Variants in CSMD1 observed in about 807,000 individuals in gnomAD.
CSMD1 encodes CUB and sushi domain-containing protein 1.
Under a neutral mutation model 417.5 loss-of-function variants are expected in CSMD1, and 213 were observed. That is an observed-to-expected ratio of 0.51 (90% confidence interval 0.46 to 0.57). The LOEUF (loss-of-function observed/expected upper bound fraction) is 0.57. CSMD1 is among the 20% of genes least tolerant of loss of function. The pLI, the probability that CSMD1 is intolerant of heterozygous loss-of-function variation, is 0.00. For missense variants in CSMD1, 6,923 were observed against 4,529.7 expected (o/e 1.53, Z -15.17); for synonymous variants, 2,862 against 1,736.8 (o/e 1.65, Z -16.11).
chr8:3,507,900 G>C (rs1303771216), intron 10 of CSMD1, among the ~76,000 whole-genome samples: 1 of 152,032 alleles, frequency 6.6e-6, no homozygotes, highest in African/African-American at 2.4e-5. Flanking sequence ...GTAGATTCTG[G>C]ATATTAGCCC....
chr8:3,187,865 T>C lies in CSMD1; in HGVS notation c.5620+4A>G. 1 of 1,611,326 alleles carries C rather than the reference T, an allele frequency of 6.2e-7. No individual in the cohort carries two copies. The highest frequency in any genetic ancestry group is 8.5e-7 in the Non-Finnish European group (1 of 1,178,194). ...CACAGGTGAGGAAATTGACTCCATC[T>C]TACCTGAGAAGCTTCCCAGTCTGGG... On this transcript the variant is annotated splice_donor_region_variant and intron_variant, in intron 36 of 69. Coordinates refer to ENST00000635120, the MANE Select transcript of CSMD1 (RefSeq NM_033225.6).
chr8:4,604,458 A>G (rs1369582561), intron 2 of CSMD1, among the ~76,000 whole-genome samples: 2 of 151,240 alleles, frequency 1.3e-5, no homozygotes, highest in African/African-American at 4.9e-5. Context: ...ATCATCAACA[A>G]GTTCATGAAT....
At chr8:3,564,299 C>T (rs1157971863) in intron 10 of CSMD1, among the ~76,000 whole-genome samples, 1 of 150,940 alleles carries the variant, frequency 6.6e-6, no homozygotes, top group East Asian at 1.9e-4. Context: ...GGAGTAAATC[C>T]TGTAAACTTT....
intron 3 of CSMD1, among the ~76,000 whole-genome samples, chr8:4,408,815 A>G (rs1187096933): frequency 6.6e-6 from 1 of 152,202 alleles, no homozygotes; most frequent in African/African-American, 2.4e-5. Context: ...ATAGCACAAT[A>G]AAGGGGGAAA....
At chr8:4,803,417 G>A (rs993638904) in intron 1 of CSMD1, among the ~76,000 whole-genome samples, 3 of 152,162 alleles carry the variant, frequency 2.0e-5, no homozygotes, top group African/African-American at 4.8e-5. Flanking sequence ...GTCTAGATTT[G>A]TCTCTTGTCT....
At chr8:4,536,853 A>C (rs1797127607) in intron 2 of CSMD1, among the ~76,000 whole-genome samples, 1 of 152,166 alleles carries the variant, frequency 6.6e-6, no homozygotes. Context: ...CACCTTTTGC[A>C]TTTTGCACAA....
At chr8:3,487,347 G>A (rs924626227) in intron 11 of CSMD1, among the ~76,000 whole-genome samples, 67 of 152,044 alleles carry the variant, frequency 4.4e-4, no homozygotes, top group African/African-American at 1.4e-3. Flanking sequence ...GACTACAGGC[G>A]CCCGCCACCA....
intron 23 of CSMD1, among the ~76,000 whole-genome samples, chr8:3,324,132 T>C (rs76050567): frequency 0.13 from 15,618 of 123,842 alleles, 1,595 homozygotes; most frequent in African/African-American, 0.24. Flanking sequence ...ATGGTTAAAA[T>C]AGACACACAT....
chr8:4,019,124 C>T (rs915733445), intron 4 of CSMD1, among the ~76,000 whole-genome samples: 2 of 152,066 alleles, frequency 1.3e-5, no homozygotes, highest in Non-Finnish European at 2.9e-5. Flanking sequence ...TGTACTAGGC[C>T]ATGGTATCGT....
At chr8:3,281,423 G>A (rs1251700975) in intron 26 of CSMD1, among the ~76,000 whole-genome samples, 4 of 152,090 alleles carry the variant, frequency 2.6e-5, no homozygotes, top group African/African-American at 7.2e-5. Context: ...CAGCCTGGGC[G>A]ACAAAGCAAG....
At chr8:3,967,674 C>A (rs945708962) in intron 5 of CSMD1, among the ~76,000 whole-genome samples, 6 of 152,010 alleles carry the variant, frequency 3.9e-5, no homozygotes, top group African/African-American at 1.2e-4. Flanking sequence ...CTTGTCAATA[C>A]GTGCTGGGGT....
chr8:4,419,764 G>C (rs1211314816), intron 3 of CSMD1, among the ~76,000 whole-genome samples, 189 bp downstream of exon 3: 2 of 152,136 alleles, frequency 1.3e-5, no homozygotes, highest in African/African-American at 2.4e-5. Context: ...TTGTGAACAC[G>C]TTTTGGGCTG....
intron 12 of CSMD1, among the ~76,000 whole-genome samples, chr8:3,468,029 G>A (rs987044621): frequency 9.2e-5 from 14 of 152,144 alleles, no homozygotes; most frequent in African/African-American, 2.7e-4. Flanking sequence ...AGTTACCAAT[G>A]AAGGAACCAA....
chr8:3,661,670 T>G (rs1342804357), intron 7 of CSMD1, among the ~76,000 whole-genome samples: 1 of 152,092 alleles, frequency 6.6e-6, no homozygotes, highest in South Asian at 2.1e-4. Flanking sequence ...CTAATTTTTG[T>G]ATTTTTAGTA....
At chr8:2,987,264 C>A (rs1273468341) in intron 54 of CSMD1, among the ~76,000 whole-genome samples, 2 of 151,506 alleles carry the variant, frequency 1.3e-5, no homozygotes, top group African/African-American at 4.8e-5. Flanking sequence ...TAATTCTTGA[C>A]ATGAAAAATT....
intron 3 of CSMD1, among the ~76,000 whole-genome samples, chr8:4,331,064 TTTTG>T (rs985045997): frequency 3.0e-4 from 46 of 152,276 alleles, no homozygotes; most frequent in African/African-American, 7.7e-4. Flanking sequence ...TCTTCATAAT[TTTTG>T]TTTCTTATTC....
intron 1 of CSMD1, among the ~76,000 whole-genome samples, chr8:4,853,656 C>A (rs945470717): frequency 6.6e-6 from 1 of 152,198 alleles, no homozygotes; most frequent in Non-Finnish European, 1.5e-5. Flanking sequence ...CACTGGAACA[C>A]TACCCAGTGG....
chr8:3,366,370 T>C (rs1809567196), intron 20 of CSMD1, among the ~76,000 whole-genome samples: 2 of 144,848 alleles, frequency 1.4e-5, no homozygotes. Context: ...GTGGCGGCAA[T>C]TTTTTCTTAT....
intron 25 of CSMD1, among the ~76,000 whole-genome samples, chr8:3,295,467 G>C (rs1803896834): frequency 6.6e-6 from 1 of 151,768 alleles, no homozygotes; most frequent in Non-Finnish European, 1.5e-5. Context: ...CCGTTATACT[G>C]AAAAAAAGGT....
Sources: gnomAD v4.1 joint callset for allele counts (sites outside exome capture counted in the v4.1 genomes callset) on GRCh38, gnomAD v4.1.1 for gene constraint, MANE v1.5 for transcripts, NCBI Gene and HGNC (gene_info 2026-07-23, HGNC 2026-07-21) for gene names.